Variants in ZNF184 observed in about 807,000 individuals in gnomAD.
ZNF184 encodes zinc finger protein 184 (Kruppel-like).
ZNF184 carries 16 observed loss-of-function variants against 54.4 expected under a neutral mutation model. The observed-to-expected ratio is 0.29, with a 90% confidence interval of 0.20 to 0.45. The LOEUF is 0.45. ZNF184 is among the 20% of genes least tolerant of loss of function. ZNF184 has a pLI of 1.00. For missense variants in ZNF184, 681 were observed against 888.2 expected, an observed-to-expected ratio of 0.77 and a Z score of 2.97; for synonymous variants, 254 against 295.3, an observed-to-expected ratio of 0.86 and a Z score of 1.43.
chr6:27,421,986 G>A, the ZNF184 span, among the ~76,000 whole-genome samples: 2 of 151,582 alleles, frequency 1.3e-5, no homozygotes, highest in Non-Finnish European at 2.9e-5. Flanking sequence ...TGGGAGGATC[G>A]ATTGAGCCCA....
chr6:27,471,174 C>T (rs1490697387), intron 2 of ZNF184, among the ~76,000 whole-genome samples: 1 of 152,146 alleles, frequency 6.6e-6, no homozygotes, highest in Non-Finnish European at 1.5e-5. Context: ...CTATCCTTAC[C>T]CTGATCTGTT....
the ZNF184 span, among the ~76,000 whole-genome samples, chr6:27,435,409 G>C: frequency 4.6e-5 from 7 of 152,112 alleles, no homozygotes; most frequent in Admixed American, 2.0e-4. Flanking sequence ...CAATTGTTAA[G>C]TACAATTGTT....
chr6:27,452,895 A>G lies in ZNF184; in HGVS notation c.664T>C (p.Cys222Arg), dbSNP rs374618294. Reference sequence around the variant, plus strand: ...GCTTTCCCACATTCATTGCACTTACAAGATTTCTCTTTTTTAACTGGGTTT... The same window carrying G: ...GCTTTCCCACATTCATTGCACTTACGAGATTTCTCTTTTTTAACTGGGTTT... ...NSNPVKKEKS[C>R]KCNECGKAFS... Residue 222 changes from cysteine (C) to arginine (R), a missense_variant, in exon 6 of 6, where the codon TGT (cysteine) becomes CGT (arginine). By Grantham distance (180) the Cys-to-Arg change is radical. Coordinates refer to ENST00000683788, the MANE Select transcript of ZNF184 (RefSeq NM_001318891.2). This position sits in a 1 kb window ranked among gnomAD's most constrained non-coding sequence, Gnocchi z 5.5. 6.8e-6 allele frequency: 11 copies of G among 1,614,052 alleles called. No homozygotes were observed. Among genetic ancestry groups the G allele is most frequent in the Non-Finnish European group, 9.3e-6 (11 of 1,180,024 alleles).
chr6:27,409,901 GC>G, the ZNF184 span, among the ~76,000 whole-genome samples: 1 of 152,090 alleles, frequency 6.6e-6, no homozygotes, highest in Non-Finnish European at 1.5e-5. Context: ...CACAGGAAGT[GC>G]CCCATATATG....
rs757322216 is a variant in ZNF184, at chr6:27,457,369, T to A, written c.116A>T (p.Gln39Leu). Residue 39 changes from glutamine to leucine, a missense_variant, in exon 4 of 6, where the codon CAG (glutamine) becomes CTG (leucine). By Grantham distance (113) the Gln-to-Leu change is moderately radical (BLOSUM62 -2). Transcript: ENST00000683788. The stretch of plus-strand genomic sequence containing the variant: ...AGGGTCCAGCTGTTTCCATTCTTCC[T>A]GGGTAAAGTCCACTATCACATCCTT... ...TFKDVIVDFT[Q>L]EEWKQLDPGQ... The A allele has an allele frequency of 1.9e-6, 3 of 1,613,896 alleles. No homozygotes were observed. The African/African-American group carries it at 4.0e-5, about 22-fold the overall frequency.
At chr6:27,457,237 T>G in intron 4 of ZNF184, 46 bp downstream of exon 4, 1 of 1,597,648 alleles carries the variant, frequency 6.3e-7, no homozygotes, top group Non-Finnish European at 8.5e-7. Flanking sequence ...GAGAGAACCC[T>G]CCTCCTGCAC....
the ZNF184 span, among the ~76,000 whole-genome samples, chr6:27,417,080 C>T: frequency 6.6e-6 from 1 of 152,000 alleles, no homozygotes; most frequent in African/African-American, 2.4e-5. Flanking sequence ...AAGACCAATC[C>T]CCCAGGCATT....
chr6:27,422,160 G>GAAAGAAAGAAAGA, the ZNF184 span, among the ~76,000 whole-genome samples: 1 of 29,042 alleles, frequency 3.4e-5, no homozygotes, highest in South Asian at 2.3e-3. Flanking sequence ...AAGAAAGAAA[G>GAAAGAAAGAAAGA]AAAGAAAGAA....
chr6:27,423,819 A>G, the ZNF184 span, among the ~76,000 whole-genome samples: 3 of 152,240 alleles, frequency 2.0e-5, no homozygotes, highest in South Asian at 2.1e-4. Flanking sequence ...TTCATTTTAA[A>G]CTTTTTCCGA....
At chr6:27,436,835 C>A in the ZNF184 span, among the ~76,000 whole-genome samples, 18 of 152,164 alleles carry the variant, frequency 1.2e-4, no homozygotes, top group African/African-American at 4.1e-4. Flanking sequence ...TTTTTCTTGA[C>A]TGCCAAGAAA....
At chr6:27,467,958 A>AT in intron 2 of ZNF184, 38 bp from the exon 3 acceptor site, 1 of 1,480,350 alleles carries the variant, frequency 6.8e-7, no homozygotes, top group East Asian at 2.4e-5. Flanking sequence ...CTTCTGTTCA[A>AT]TTTAGCCATT....
chr6:27,467,366 T>G (rs148972632), intron 3 of ZNF184, among the ~76,000 whole-genome samples: 1 of 152,186 alleles, frequency 6.6e-6, no homozygotes, highest in Non-Finnish European at 1.5e-5. Context: ...GAGGCCAAAG[T>G]GGATGGATCA....
At chr6:27,464,740 G>A (rs1461440984) in intron 3 of ZNF184, among the ~76,000 whole-genome samples, 1 of 152,006 alleles carries the variant, frequency 6.6e-6, no homozygotes, top group Non-Finnish European at 1.5e-5. Context: ...AACCCGGCCG[G>A]GCACAGTGGT....
chr6:27,406,778 T>A, the ZNF184 span: 9 of 152,320 alleles, frequency 5.9e-5, no homozygotes, highest in South Asian at 2.1e-4. Context: ...GCCCAACAGC[T>A]GCTCATGCTC....
the ZNF184 span, chr6:27,407,632 T>G: frequency 1.7e-6 from 1 of 598,686 alleles, no homozygotes; most frequent in Non-Finnish European, 3.0e-6. Flanking sequence ...CAAGTGGAGG[T>G]GTGTGCCTGC....
chr6:27,457,161 T>C (rs1460637536), intron 4 of ZNF184, 122 bp downstream of exon 4: 10 of 1,396,500 alleles, frequency 7.2e-6, no homozygotes, highest in Non-Finnish European at 9.7e-6. Flanking sequence ...GTAGAAACCT[T>C]TTCAAAAACT....
At position 27,462,271 on chromosome 6, in the gene ZNF184, C is replaced by T. The variant is rs184581890; in HGVS notation, c.76-4862G>A. Among the ~76,000 whole-genome samples, 896 of 151,860 alleles carry T rather than the reference C, an allele frequency of 5.9e-3. 5 individuals carry two copies. Among genetic ancestry groups the T allele is most frequent in the Non-Finnish European group, 0.01 (700 of 67,960 alleles). On this transcript the variant is annotated intron_variant, in intron 3 of 5. Transcript: ENST00000683788. Reference sequence around the variant, plus strand: ...GGAGTGCAGTGGCGTGATCTCGGCTCACTGCAAGCTCTACCTCCCAGGTTC... The same window carrying T: ...GGAGTGCAGTGGCGTGATCTCGGCTTACTGCAAGCTCTACCTCCCAGGTTC...
chr6:27,423,874 T>G, the ZNF184 span, among the ~76,000 whole-genome samples: 8 of 152,246 alleles, frequency 5.3e-5, no homozygotes, highest in African/African-American at 1.9e-4. Flanking sequence ...TTATACCACG[T>G]ATCAGCATTT....
the ZNF184 span, among the ~76,000 whole-genome samples, chr6:27,438,213 C>T: frequency 2.0e-5 from 3 of 152,056 alleles, no homozygotes; most frequent in African/African-American, 7.2e-5. Context: ...ATCTTTAGTA[C>T]AGGTGACATT....
Sources: gnomAD v4.1 joint callset for allele counts (sites outside exome capture counted in the v4.1 genomes callset) on GRCh38, gnomAD v4.1.1 for gene constraint, Gnocchi (gnomAD v3.1) non-coding constraint, MANE v1.5 for transcripts, NCBI Gene and HGNC (gene_info 2026-07-23, HGNC 2026-07-21) for gene names.